ZFAND3: variants seen among roughly 807,000 people sequenced by gnomAD.
The protein encoded by ZFAND3 is zinc finger AN1-type containing 3.
A neutral mutation model predicts 29.6 loss-of-function variants in ZFAND3; 10 were observed. The ratio of observed to expected loss-of-function variants is 0.34; its 90% confidence interval spans 0.21 to 0.57. The LOEUF is 0.57. ZFAND3 is among the 20% of genes least tolerant of loss of function. ZFAND3 has a pLI of 0.86. For synonymous variants in ZFAND3, 128 were observed against 112.6 expected (o/e 1.14, Z -0.87); for missense variants, 230 against 304.5 (o/e 0.76, Z 1.82).
chr6:37,853,046 GC>G (rs1429654432), intron 1 of ZFAND3, among the ~76,000 whole-genome samples: 2 of 152,228 alleles, frequency 1.3e-5, no homozygotes, highest in African/African-American at 4.8e-5. Flanking sequence ...TGCGACTGGT[GC>G]CCTTGTAGGT....
At chr6:38,010,745 G>A (rs754346167) in intron 2 of ZFAND3, among the ~76,000 whole-genome samples, 101 of 151,446 alleles carry the variant, frequency 6.7e-4, no homozygotes, top group Non-Finnish European at 1.0e-3. Flanking sequence ...GATTACAGGC[G>A]CCTGCCACCA....
At chr6:38,053,881 T>C (rs1764080959) in intron 2 of ZFAND3, among the ~76,000 whole-genome samples, 1 of 152,064 alleles carries the variant, frequency 6.6e-6, no homozygotes, top group South Asian at 2.1e-4. Context: ...GGCTTCTGAC[T>C]ATTCTCTATG....
intron 1 of ZFAND3, among the ~76,000 whole-genome samples, chr6:37,886,073 A>G (rs1185215867): frequency 6.6e-6 from 1 of 151,812 alleles, no homozygotes; most frequent in Non-Finnish European, 1.5e-5. Flanking sequence ...CCCCATCTCT[A>G]TTAAAAATAC....
intron 1 of ZFAND3, among the ~76,000 whole-genome samples, chr6:37,910,866 A>G (rs1765507937): frequency 6.6e-6 from 1 of 152,200 alleles, no homozygotes; most frequent in African/African-American, 2.4e-5. Flanking sequence ...GTTTTTACAA[A>G]TGAAAGAATT....
In ZFAND3 at chr6:38,152,450, G is replaced by A; in HGVS notation, c.*61G>A. On this transcript the variant is annotated 3_prime_UTR_variant, in exon 6 of 6. Coordinates refer to ENST00000287218, the MANE Select transcript of ZFAND3 (RefSeq NM_021943.3). ...GTTCACTAATGTTAGCCTTATTTAG[G>A]ACAAAGTCAGCCAGACACCTTGTAC... The A allele has an allele frequency of 2.0e-6, 3 of 1,477,828 alleles. No individual in the cohort carries two copies. Among genetic ancestry groups the A allele is most frequent in the Non-Finnish European group, 9.0e-7 (1 of 1,115,048 alleles). 91.5% of individuals were successfully genotyped at this position (1,477,828 alleles called of 1,614,324 possible).
intron 3 of ZFAND3, among the ~76,000 whole-genome samples, chr6:38,072,022 A>G (rs1190030821): frequency 6.6e-6 from 1 of 152,188 alleles, no homozygotes; most frequent in Non-Finnish European, 1.5e-5. Context: ...CAGTAACCCC[A>G]AGACAAAGCA....
chr6:37,850,192 C>CAGA (rs1298989099), intron 1 of ZFAND3, among the ~76,000 whole-genome samples: 1 of 152,118 alleles, frequency 6.6e-6, no homozygotes, highest in African/African-American at 2.4e-5. Flanking sequence ...GAAACATAAC[C>CAGA]AGAAGCAGGA....
intron 1 of ZFAND3, among the ~76,000 whole-genome samples, chr6:37,875,352 A>G (rs1054703093): frequency 1.1e-4 from 16 of 152,206 alleles, no homozygotes; most frequent in Non-Finnish European, 1.5e-5. Context: ...ACATTTGATG[A>G]AAGTGTTATT....
intron 2 of ZFAND3, among the ~76,000 whole-genome samples, chr6:37,932,453 A>G (rs1171484445): frequency 6.6e-6 from 1 of 152,172 alleles, no homozygotes. Flanking sequence ...CCAAAGTGCA[A>G]ATGTTCCAAA....
chr6:37,828,181 TC>T (rs1763793385), intron 1 of ZFAND3, among the ~76,000 whole-genome samples: 2 of 152,212 alleles, frequency 1.3e-5, no homozygotes, highest in African/African-American at 4.8e-5. Flanking sequence ...TTCAAGAATA[TC>T]ACAAACACTC....
chr6:38,125,163 C>T (rs1306855740), intron 5 of ZFAND3, among the ~76,000 whole-genome samples: 1 of 152,160 alleles, frequency 6.6e-6, no homozygotes, highest in Non-Finnish European at 1.5e-5. Flanking sequence ...TATACTCCTC[C>T]CTTCACTCTC....
intron 1 of ZFAND3, among the ~76,000 whole-genome samples, chr6:37,896,558 C>CTTTCTTTCTT (rs1554153855): frequency 7.2e-6 from 1 of 138,326 alleles, no homozygotes; most frequent in Non-Finnish European, 1.6e-5. Flanking sequence ...TTCTTTCTTT[C>CTTTCTTTCTT]TTTCTTTCTT....
chr6:38,108,165 C>G (rs1342581732), intron 4 of ZFAND3, among the ~76,000 whole-genome samples: 1 of 151,916 alleles, frequency 6.6e-6, no homozygotes, highest in African/African-American at 2.4e-5. Flanking sequence ...TAAGGAAATG[C>G]CCTTATTATT....
At chr6:38,099,986 A>G (rs1765061124) in intron 4 of ZFAND3, among the ~76,000 whole-genome samples, 1 of 152,124 alleles carries the variant, frequency 6.6e-6, no homozygotes, top group South Asian at 2.1e-4. Flanking sequence ...CTTGGCATTA[A>G]CTGATAGTTC....
intron 1 of ZFAND3, among the ~76,000 whole-genome samples, chr6:37,855,635 T>G (rs967038821): frequency 6.6e-6 from 1 of 152,178 alleles, no homozygotes; most frequent in Non-Finnish European, 1.5e-5. Flanking sequence ...TATGTTAAAA[T>G]TTGAAGAGAG....
chr6:38,091,498 T>TCC (rs1347896476), intron 4 of ZFAND3, among the ~76,000 whole-genome samples: 2,616 of 117,558 alleles, frequency 0.022, 57 homozygotes, highest in Middle Eastern at 0.068. Flanking sequence ...TTTTTTTTTT[T>TCC]TTGGTGGGGG....
rs565434629 is a variant in ZFAND3 at position 37,847,307 on chromosome 6, T to G, written c.71+27291T>G. Among the ~76,000 whole-genome samples the G allele has an allele frequency of 5.3e-5, 8 of 152,088 alleles. No individual in the cohort carries two copies. The South Asian group carries it at 1.5e-3, about 28-fold the overall frequency. ...ACCTCATCAATCGGCCGGGTGTGGT[T>G]GCTCCCGCCTGTAATCCCAGCACTA... is the stretch of plus-strand genomic sequence containing the variant. On this transcript the variant is annotated intron_variant, in intron 1 of 5. Coordinates refer to ENST00000287218, the MANE Select transcript of ZFAND3 (RefSeq NM_021943.3).
intron 1 of ZFAND3, among the ~76,000 whole-genome samples, chr6:37,865,548 C>T (rs567697030): frequency 6.6e-6 from 1 of 152,296 alleles, no homozygotes; most frequent in Non-Finnish European, 1.5e-5. Flanking sequence ...GTACTTAAGC[C>T]TTATCTCTGA....
At chr6:38,027,368 A>G (rs1386560654) in intron 2 of ZFAND3, among the ~76,000 whole-genome samples, 4 of 152,222 alleles carry the variant, frequency 2.6e-5, no homozygotes, top group African/African-American at 9.6e-5. Context: ...TCCTTCTCAA[A>G]AGAACCAAAG....
Sources: allele counts gnomAD v4.1 joint callset (sites outside exome capture counted in the v4.1 genomes callset), GRCh38; gene constraint gnomAD v4.1.1; transcripts MANE v1.5; gene names NCBI Gene and HGNC (gene_info 2026-07-23, HGNC 2026-07-21).